The following CLEC2D variants were observed in gnomAD, a reference collection of about 807,000 sequenced individuals.
CLEC2D encodes the protein C-type lectin domain family 2 member D, also known as C-type lectin related f.
In CLEC2D, 16 loss-of-function variants were observed where a neutral mutation model predicts 20.0. The ratio of observed to expected loss-of-function variants is 0.80; its 90% CI spans 0.54 to 1.22. The LOEUF (loss-of-function observed/expected upper bound fraction) is 1.22, where lower values mean the gene tolerates loss of function less well. Among genes scored for constraint, CLEC2D ranks in the 50% most tolerant of loss-of-function variants. The pLI is 0.00. For synonymous variants in CLEC2D, 77 were observed against 71.1 expected (o/e 1.08, Z -0.42); for missense variants, 207 against 221.5 (o/e 0.93, Z 0.42).
At chr12:9,693,181 T>C in intron 4 of CLEC2D, 3 of 1,132,900 alleles carry the variant, frequency 2.6e-6, no homozygotes, top group East Asian at 2.4e-5. Context: ...ACTTTCATTT[T>C]AAGCAAACCA....
chr12:9,695,546 A>T lies in CLEC2D; in HGVS notation c.*672A>T, dbSNP rs748561451. ...GTCAGCTCAGGGGCTGGTGCAAAGG[A>T]TGAACTGCACATTGTTGAAGCAGAG... On this transcript the variant is annotated 3_prime_UTR_variant, in exon 5 of 5. Transcript: ENST00000290855. The T allele has an allele frequency of 1.5e-6, 2 of 1,313,606 alleles. No individual in the cohort carries two copies. Among genetic ancestry groups the T allele is most frequent in the Admixed American group, 3.4e-5 (2 of 59,450 alleles). The allele number at this position is 1,313,606 out of a possible 1,614,324, so 81.4% of individuals were successfully genotyped here.
At chr12:9,683,906 G>A (rs867268342) in intron 2 of CLEC2D, among the ~76,000 whole-genome samples, 21 of 146,814 alleles carry the variant, frequency 1.4e-4, no homozygotes, top group Non-Finnish European at 3.0e-4. Flanking sequence ...TTTTAATTCT[G>A]TGAAGAAAGT....
At chr12:9,684,378 CTTTT>C (rs1349562240) in intron 2 of CLEC2D, among the ~76,000 whole-genome samples, 1 of 152,096 alleles carries the variant, frequency 6.6e-6, no homozygotes, top group African/African-American at 2.4e-5. Flanking sequence ...TTCTTTCTTT[CTTTT>C]ACCTGATTGC....
In CLEC2D at chr12:9,695,844, TG is replaced by T; in HGVS notation, c.*971del. Reference sequence around the variant, plus strand: ...GAGGTGGGCAGAAAAAAGTAAAACTTGCTGCTGCTGCTGATGATGATGATGA... The same window carrying T: ...GAGGTGGGCAGAAAAAAGTAAAACTTCTGCTGCTGCTGATGATGATGATGA... On this transcript the variant is annotated 3_prime_UTR_variant, in exon 5 of 5. Coordinates refer to ENST00000290855, the MANE Select transcript of CLEC2D (RefSeq NM_013269.6). The T allele has an allele frequency of 1.3e-6, 1 of 757,252 alleles. No homozygotes were observed. The highest frequency in any genetic ancestry group is 2.1e-6 in the Non-Finnish European group (1 of 469,988). 46.9% of individuals were successfully genotyped at this position (757,252 alleles called of 1,614,324 possible). A position where few individuals can be genotyped will look rare whatever the true frequency, so the allele number is the denominator to read the frequency against.
chr12:9,678,181 T>C (rs1351132824), intron 1 of CLEC2D, among the ~76,000 whole-genome samples: 1 of 152,184 alleles, frequency 6.6e-6, no homozygotes, highest in Non-Finnish European at 1.5e-5. Context: ...AAACATAACA[T>C]AGTTTCTTGG....
At chr12:9,671,363 G>A (rs1286301439) in intron 1 of CLEC2D, among the ~76,000 whole-genome samples, 3 of 152,164 alleles carry the variant, frequency 2.0e-5, no homozygotes, top group Non-Finnish European at 2.9e-5. Context: ...TGGGACTACA[G>A]GCGCCCGCCA....
In CLEC2D at chr12:9,698,702, T is replaced by A. The variant is rs569285232; in HGVS notation, c.*3828T>A. 6.6e-6 allele frequency: 1 copy of A among 152,198 alleles called. No individual in the cohort carries two copies. Among genetic ancestry groups the A allele is most frequent in the South Asian group, 2.1e-4 (1 of 4,810 alleles). 9.4% of individuals were successfully genotyped at this position (152,198 alleles called of 1,614,324 possible). ...GTTTCTGCACAGCAAAGGAAATAAT[T>A]AATGGAGTAAAGAGACAACTTACAG... On this transcript the variant is annotated 3_prime_UTR_variant, in exon 5 of 5. Transcript: ENST00000290855.
Position 9,694,825 on chromosome 12 carries a change from ACTACAC to A in CLEC2D, c.528_533del (p.His176_Thr178delinsGln). ...GACAAAGGTGCCAGTAGTGCCAGGCACTACACAGAGAGGAAGTGGATTTGTTCCAAA... is the reference window on the plus strand; with the variant it reads ...GACAAAGGTGCCAGTAGTGCCAGGCAAGAGAGGAAGTGGATTTGTTCCAAA... On this transcript the variant is annotated inframe_deletion, in exon 5 of 5. Transcript: ENST00000290855. The A allele has an allele frequency of 6.2e-7, 1 of 1,612,710 alleles. No individual in the cohort carries two copies. The highest frequency in any genetic ancestry group is 8.5e-7 in the Non-Finnish European group (1 of 1,178,822).
At position 9,696,338 on chromosome 12, in the gene CLEC2D, C is replaced by T; in HGVS notation, c.*1464C>T. 1.8e-6 allele frequency: 1 copy of T among 559,530 alleles called. No homozygotes were observed. Among genetic ancestry groups the T allele is most frequent in the Non-Finnish European group, 3.3e-6 (1 of 305,012 alleles). The allele number at this position is 559,530 out of a possible 1,614,324, so 34.7% of individuals were successfully genotyped here. A position where few individuals can be genotyped will look rare whatever the true frequency, so the allele number is the denominator to read the frequency against. ...AGTGCAGAGTGAGAACTTTCCCTAC[C>T]ATGTTTGATAAATGTTGTCCAGGTT... is the stretch of plus-strand genomic sequence containing the variant. On this transcript the variant is annotated 3_prime_UTR_variant, in exon 5 of 5. Transcript: ENST00000290855.
intron 2 of CLEC2D, among the ~76,000 whole-genome samples, chr12:9,683,322 GTTTT>G (rs1226655704): frequency 3.7e-5 from 3 of 80,870 alleles, no homozygotes; most frequent in African/African-American, 1.2e-4. Flanking sequence ...ATGATAGTTT[GTTTT>G]TTGTGTTTGT....
intron 2 of CLEC2D, among the ~76,000 whole-genome samples, chr12:9,681,676 A>T (rs1437177792): frequency 6.6e-6 from 1 of 152,226 alleles, no homozygotes. Context: ...GCCAATCTGG[A>T]TATCAACCTA....
chr12:9,689,880 A>G (rs931522972), intron 3 of CLEC2D, among the ~76,000 whole-genome samples: 5 of 152,138 alleles, frequency 3.3e-5, no homozygotes, highest in African/African-American at 1.2e-4. Flanking sequence ...GACATCAGCA[A>G]ACATACTAAC....
intron 2 of CLEC2D, among the ~76,000 whole-genome samples, chr12:9,683,812 C>T (rs1399087457): frequency 6.6e-6 from 1 of 151,858 alleles, no homozygotes; most frequent in African/African-American, 2.4e-5. Context: ...AGCATGATGC[C>T]TCCAGCTTAG....
intron 3 of CLEC2D, among the ~76,000 whole-genome samples, chr12:9,689,560 C>A (rs763451202): frequency 1.8e-4 from 28 of 152,082 alleles, no homozygotes; most frequent in African/African-American, 5.5e-4. Flanking sequence ...AATCAGCTGT[C>A]TTAAGTATAA....
At chr12:9,683,062 CATT>C (rs768123879) in intron 2 of CLEC2D, among the ~76,000 whole-genome samples, 14 of 152,254 alleles carry the variant, frequency 9.2e-5, no homozygotes, top group East Asian at 3.9e-4. Context: ...GATGGTATCT[CATT>C]GTTGTTTTGA....
chr12:9,694,399 T>C (rs1227967828), intron 4 of CLEC2D, among the ~76,000 whole-genome samples: 1 of 152,118 alleles, frequency 6.6e-6, no homozygotes, highest in East Asian at 1.9e-4. Context: ...TCAAGCATGG[T>C]TTTTAGAAAT....
chr12:9,680,837 T>TA, intron 1 of CLEC2D, 86 bp from the exon 2 acceptor site: 1 of 685,918 alleles, frequency 1.5e-6, no homozygotes, highest in Non-Finnish European at 2.5e-6. Context: ...AGGAATTAAA[T>TA]AAAAATAACA....
chr12:9,695,578 A>C lies in CLEC2D; in HGVS notation c.*704A>C. Reference sequence around the variant, plus strand: ...GCACATTGTTGAAGCAGAGGCCATGAATGACGAAGGCAGTCCAATTAAAGT... The same window carrying C: ...GCACATTGTTGAAGCAGAGGCCATGCATGACGAAGGCAGTCCAATTAAAGT... On this transcript the variant is annotated 3_prime_UTR_variant, in exon 5 of 5. Coordinates refer to ENST00000290855, the MANE Select transcript of CLEC2D (RefSeq NM_013269.6). 3 of 1,500,214 alleles carry C rather than the reference A, an allele frequency of 2.0e-6. No individual in the cohort carries two copies. The highest frequency in any genetic ancestry group is 9.2e-7 in the Non-Finnish European group (1 of 1,091,854). 92.9% of individuals were successfully genotyped at this position (1,500,214 alleles called of 1,614,324 possible).
chr12:9,685,886 G>T (rs1865736871), intron 2 of CLEC2D, among the ~76,000 whole-genome samples: 1 of 152,148 alleles, frequency 6.6e-6, no homozygotes, highest in African/African-American at 2.4e-5. Flanking sequence ...GTGGGTTCCA[G>T]GCTCCACTGG....
Sources: gnomAD v4.1 joint callset for allele counts (sites outside exome capture counted in the v4.1 genomes callset) on GRCh38, gnomAD v4.1.1 for gene constraint, MANE v1.5 for transcripts, NCBI Gene and HGNC (gene_info 2026-07-23, HGNC 2026-07-21) for gene names.